PCDHA4: variants seen among roughly 807,000 people sequenced by gnomAD.
PCDHA4 encodes protocadherin alpha 4.
A neutral mutation model predicts 61.4 loss-of-function variants in PCDHA4; 49 were observed. The observed-to-expected ratio is 0.80, with a 90% CI of 0.63 to 1.01. The LOEUF (loss-of-function observed/expected upper bound fraction) is 1.01. PCDHA4 is among the 50% of genes least tolerant of loss of function. The pLI is 0.00. For missense variants in PCDHA4, 1,254 were observed against 1,235.8 expected, an observed-to-expected ratio of 1.01 and a Z score of -0.22; for synonymous variants, 590 against 550.3, an observed-to-expected ratio of 1.07 and a Z score of -1.01.
intron 3 of PCDHA4, among the ~76,000 whole-genome samples, chr5:141,007,652 A>T (rs2098338412): frequency 6.6e-6 from 1 of 152,112 alleles, no homozygotes; most frequent in African/African-American, 2.4e-5. Flanking sequence ...TGCCTAAAAA[A>T]CCATAAATTT....
At chr5:140,991,026 T>A (rs1003749305) in intron 3 of PCDHA4, among the ~76,000 whole-genome samples, 8 of 152,210 alleles carry the variant, frequency 5.3e-5, no homozygotes, top group Admixed American at 2.0e-4. Context: ...ACTTTACATA[T>A]GTTGCATACT....
At chr5:140,985,217 G>A (rs1196051994) in intron 3 of PCDHA4, among the ~76,000 whole-genome samples, 3 of 152,206 alleles carry the variant, frequency 2.0e-5, no homozygotes, top group Admixed American at 1.3e-4. Context: ...GATTACAGGC[G>A]TGAGCCACCG....
intron 1 of PCDHA4, chr5:140,841,224 A>G: frequency 6.9e-7 from 1 of 1,450,532 alleles, no homozygotes; most frequent in South Asian, 1.4e-5. Context: ...AGGCCGAACA[A>G]CGGGAGATGC....
At chr5:140,823,256 T>C (rs1269305597) in intron 1 of PCDHA4, 5 of 1,613,056 alleles carry the variant, frequency 3.1e-6, no homozygotes, top group African/African-American at 1.3e-5. Context: ...TACTCGCTGG[T>C]GGAGCGGCGG....
intron 3 of PCDHA4, among the ~76,000 whole-genome samples, chr5:140,993,515 G>T (rs1351377291): frequency 6.7e-6 from 1 of 149,364 alleles, no homozygotes; most frequent in East Asian, 1.9e-4. Context: ...CACACGGGGA[G>T]AGAGAGACAG....
intron 1 of PCDHA4, among the ~76,000 whole-genome samples, chr5:140,947,497 T>A (rs1289449406): frequency 6.6e-6 from 1 of 151,724 alleles, no homozygotes; most frequent in Non-Finnish European, 1.5e-5. Flanking sequence ...ATAGGTCATT[T>A]AAATTTTCAT....
chr5:140,834,757 A>G (rs2150225607), intron 1 of PCDHA4: 7 of 1,614,134 alleles, frequency 4.3e-6, no homozygotes, highest in Non-Finnish European at 5.9e-6. Context: ...GAGGTGAAGG[A>G]CATTAACGAC....
chr5:140,831,488 T>TGG (rs60766535), intron 1 of PCDHA4, among the ~76,000 whole-genome samples: 58 of 148,696 alleles, frequency 3.9e-4, no homozygotes, highest in African/African-American at 1.2e-3. Context: ...GCCTCTGGAG[T>TGG]TACTACACAC....
intron 1 of PCDHA4, among the ~76,000 whole-genome samples, chr5:140,959,596 A>G (rs2095498979): frequency 6.6e-6 from 1 of 152,224 alleles, no homozygotes; most frequent in Non-Finnish European, 1.5e-5. Flanking sequence ...AGCCAAGTAT[A>G]ACATGCTTTT....
Position 140,836,254 on chromosome 5 carries a change from T to C in PCDHA4, c.2385+26682T>C, listed in dbSNP as rs1644784516. ...GCCGGTGCGAGCATCCCGTTCCGCG[T>C]GGGGCTGTACACTGGTGAGATCAGC... On this transcript the variant is annotated intron_variant, in intron 1 of 3. Transcript: ENST00000530339. 7 of 1,613,670 alleles carry C rather than the reference T, an allele frequency of 4.3e-6. No individual in the cohort carries two copies. Among genetic ancestry groups the C allele is most frequent in the Non-Finnish European group, 5.1e-6 (6 of 1,179,780 alleles).
chr5:140,843,415 G>A (rs2150359556), intron 1 of PCDHA4: 2 of 1,596,114 alleles, frequency 1.3e-6, no homozygotes, highest in East Asian at 2.2e-5. Context: ...ATGTCAACGT[G>A]TACCTGATCA....
intron 1 of PCDHA4, chr5:140,854,600 AT>A (rs2043170892): frequency 6.7e-6 from 1 of 150,110 alleles, no homozygotes; most frequent in African/African-American, 2.4e-5. Context: ...GTTTAAAGTA[AT>A]TGACACATTT....
At chr5:140,901,469 G>A (rs1056054450) in intron 1 of PCDHA4, among the ~76,000 whole-genome samples, 1 of 152,080 alleles carries the variant, frequency 6.6e-6, no homozygotes, top group African/African-American at 2.4e-5. Flanking sequence ...CTTTTCTCGA[G>A]TTTATGTTCT....
chr5:140,850,186 C>T lies in PCDHA4; in HGVS notation c.2385+40614C>T, dbSNP rs2150472009. On this transcript the variant is annotated intron_variant, in intron 1 of 3. Transcript: ENST00000530339. ...CTGGACGAGAACGACAATGCGCCGG[C>T]GCTGCTGACACCTCGGATGAGGGGC... 4.4e-6 allele frequency: 7 copies of T among 1,593,614 alleles called. No homozygotes were observed. In the African/African-American group the frequency reaches 5.4e-5, roughly 12 times the overall value.
intron 1 of PCDHA4, chr5:140,822,960 G>A (rs1268599486): frequency 9.3e-6 from 15 of 1,614,106 alleles, no homozygotes; most frequent in Non-Finnish European, 1.1e-5. Flanking sequence ...TTCCCTTCAA[G>A]CTGGTGTCCA....
In PCDHA4 at chr5:140,856,469, A is replaced by G. The variant is rs868928248; in HGVS notation, c.2385+46897A>G. 8.8e-6 allele frequency: 14 copies of G among 1,598,158 alleles called. 1 individual carries two copies. The highest frequency in any genetic ancestry group is 1.2e-5 in the Non-Finnish European group (14 of 1,167,896). ...CTCCGTAACAGAACAAAAGCTCTCA[A>G]TACCTGAATCCAGACTGCTTGACTC... is the stretch of plus-strand genomic sequence containing the variant. On this transcript the variant is annotated intron_variant, in intron 1 of 3. Transcript: ENST00000530339.
intron 1 of PCDHA4, chr5:140,968,494 C>G (rs782064203): frequency 1.2e-6 from 2 of 1,614,096 alleles, no homozygotes; most frequent in South Asian, 2.2e-5. Flanking sequence ...ATGACCATGC[C>G]CCTCACATTC....
chr5:140,877,016 G>A (rs781790454), intron 1 of PCDHA4: 2 of 1,612,362 alleles, frequency 1.2e-6, no homozygotes, highest in Non-Finnish European at 1.7e-6. Context: ...GCGGAGAGCG[G>A]CAAGGTGTAC....
chr5:140,830,379 G>A (rs2150185796), intron 1 of PCDHA4: 3 of 1,614,156 alleles, frequency 1.9e-6, no homozygotes, highest in Non-Finnish European at 1.7e-6. Flanking sequence ...TCCGGGGAGG[G>A]CCCACCCAAG....
Sources: gnomAD v4.1 joint callset for allele counts (sites outside exome capture counted in the v4.1 genomes callset) on GRCh38, gnomAD v4.1.1 for gene constraint, MANE v1.5 for transcripts, NCBI Gene and HGNC (gene_info 2026-07-23, HGNC 2026-07-21) for gene names.